RPH3A: variants seen among roughly 807,000 people sequenced by gnomAD.
The protein encoded by RPH3A is rabphilin 3A.
RPH3A carries 48 observed loss-of-function variants against 102.2 expected under a neutral mutation model. The ratio of observed to expected loss-of-function variants is 0.47; its 90% CI spans 0.37 to 0.60. RPH3A has a LOEUF of 0.60. Among genes scored for constraint, RPH3A ranks in the 20% least tolerant of loss-of-function variants. The probability of loss-of-function intolerance (pLI) is 0.00; values close to 1 mark genes in which losing one functional copy is unlikely to be tolerated. For synonymous variants in RPH3A, 310 were observed against 324.3 expected (o/e 0.96, Z 0.47); for missense variants, 781 against 910.1 (o/e 0.86, Z 1.83).
chr12:112,714,154 G>C (rs1395739421), intron 1 of RPH3A, among the ~76,000 whole-genome samples: 1 of 152,154 alleles, frequency 6.6e-6, no homozygotes, highest in Non-Finnish European at 1.5e-5. Context: ...GGGTTCAGAA[G>C]GCTGGAGAGG....
intron 1 of RPH3A, among the ~76,000 whole-genome samples, chr12:112,727,240 G>A (rs1592966289): frequency 6.7e-6 from 1 of 149,470 alleles, no homozygotes; most frequent in African/African-American, 2.5e-5. Flanking sequence ...TCAATCCCAC[G>A]TGCTGGGATT....
chr12:112,768,621 T>C (rs2040907273), intron 1 of RPH3A, among the ~76,000 whole-genome samples: 1 of 152,174 alleles, frequency 6.6e-6, no homozygotes. Flanking sequence ...TCACTATATT[T>C]AAAATAGAGG....
At chr12:112,724,003 T>C (rs1195592367) in intron 1 of RPH3A, among the ~76,000 whole-genome samples, 10 of 152,170 alleles carry the variant, frequency 6.6e-5, no homozygotes, top group Non-Finnish European at 1.5e-4. Flanking sequence ...AGTATCTATG[T>C]ATATTTTATG....
At chr12:112,577,683 G>A (rs1028477992) in intron 1 of RPH3A, among the ~76,000 whole-genome samples, 4 of 151,764 alleles carry the variant, frequency 2.6e-5, no homozygotes, top group Non-Finnish European at 5.9e-5. Flanking sequence ...TGGTTCAAAT[G>A]CCTCTGACAC....
chr12:112,817,684 GTAGT>G (rs2041701316), intron 2 of RPH3A, among the ~76,000 whole-genome samples: 1 of 151,930 alleles, frequency 6.6e-6, no homozygotes, highest in Non-Finnish European at 1.5e-5. Context: ...GTCTTATTAA[GTAGT>G]TAGTTTTGCT....
intron 1 of RPH3A, among the ~76,000 whole-genome samples, chr12:112,677,211 C>T (rs745843464): frequency 6.6e-6 from 1 of 152,234 alleles, no homozygotes; most frequent in Non-Finnish European, 1.5e-5. Context: ...CTTACAAGTG[C>T]GGCAAACAGG....
intron 1 of RPH3A, among the ~76,000 whole-genome samples, chr12:112,712,456 T>C (rs2040469018): frequency 6.6e-6 from 1 of 151,578 alleles, no homozygotes; most frequent in Non-Finnish European, 1.5e-5. Context: ...TATTTTTAAA[T>C]TGTTATTTTA....
intron 1 of RPH3A, among the ~76,000 whole-genome samples, chr12:112,595,532 G>C (rs2039510305): frequency 6.6e-6 from 1 of 152,000 alleles, no homozygotes; most frequent in Admixed American, 6.6e-5. Flanking sequence ...CTCATATCTG[G>C]ATAAGCCAAT....
intron 1 of RPH3A, among the ~76,000 whole-genome samples, chr12:112,733,339 CACAT>C (rs1246381904): frequency 1.3e-5 from 2 of 152,168 alleles, no homozygotes; most frequent in African/African-American, 4.8e-5. Flanking sequence ...GCATCACACA[CACAT>C]ACAGCATTAA....
intron 1 of RPH3A, among the ~76,000 whole-genome samples, chr12:112,679,913 G>T (rs1465849036): frequency 6.6e-6 from 1 of 152,264 alleles, no homozygotes; most frequent in Non-Finnish European, 1.5e-5. Context: ...AAGAGGGTTT[G>T]ACACAGACTG....
At chr12:112,607,171 CT>C (rs1240892438) in intron 1 of RPH3A, among the ~76,000 whole-genome samples, 1 of 152,180 alleles carries the variant, frequency 6.6e-6, no homozygotes, top group African/African-American at 2.4e-5. Flanking sequence ...AGGGAAGTTG[CT>C]TGGCCTCTTG....
At chr12:112,668,390 C>G (rs2040102416) in intron 1 of RPH3A, among the ~76,000 whole-genome samples, 1 of 152,148 alleles carries the variant, frequency 6.6e-6, no homozygotes, top group Non-Finnish European at 1.5e-5. Flanking sequence ...AACTGAGTTT[C>G]CCTCTGGTTC....
intron 1 of RPH3A, among the ~76,000 whole-genome samples, chr12:112,696,898 TG>T (rs2040356813): frequency 1.3e-5 from 2 of 152,012 alleles, no homozygotes; most frequent in Non-Finnish European, 2.9e-5. Context: ...GCTTTGGTCT[TG>T]TTTTCTTTTT....
intron 1 of RPH3A, among the ~76,000 whole-genome samples, chr12:112,730,877 G>GAA (rs1440486687): frequency 6.6e-6 from 1 of 152,136 alleles, no homozygotes; most frequent in Non-Finnish European, 1.5e-5. Context: ...GCCAGCCCTG[G>GAA]CCATTGTTCC....
At chr12:112,601,199 T>C (rs745705860) in intron 1 of RPH3A, among the ~76,000 whole-genome samples, 8 of 152,194 alleles carry the variant, frequency 5.3e-5, no homozygotes, top group Non-Finnish European at 1.2e-4. Context: ...AATGCAAAAC[T>C]CCTAGCCTGA....
chr12:112,841,706 G>GT (rs150878418), intron 4 of RPH3A, among the ~76,000 whole-genome samples: 52,088 of 144,788 alleles, frequency 0.36, 10,042 homozygotes, highest in East Asian at 0.51. Context: ...TTGTTTTTTT[G>GT]GTTTTTTTTT....
At chr12:112,793,546 AAG>A (rs1282199668) in intron 2 of RPH3A, among the ~76,000 whole-genome samples, 2 of 152,238 alleles carry the variant, frequency 1.3e-5, no homozygotes, top group Non-Finnish European at 2.9e-5. Context: ...TATGAGGCAG[AAG>A]AGGAGGGTTG....
intron 11 of RPH3A, 57 bp from the exon 12 acceptor site, chr12:112,875,622 C>G: frequency 6.9e-7 from 1 of 1,452,966 alleles, no homozygotes; most frequent in Non-Finnish European, 9.7e-7. Context: ...AAAGGTGAAC[C>G]CCCAAATGAT....
chr12:112,589,857 C>T (rs111443084), intron 1 of RPH3A, among the ~76,000 whole-genome samples: 2,793 of 152,106 alleles, frequency 0.018, 81 homozygotes, highest in African/African-American at 0.064. Context: ...CTGAGGTGGG[C>T]GGATCACTTG....
Sources: allele counts gnomAD v4.1 joint callset (sites outside exome capture counted in the v4.1 genomes callset), GRCh38; gene constraint gnomAD v4.1.1; transcripts MANE v1.5; gene names NCBI Gene and HGNC (gene_info 2026-07-23, HGNC 2026-07-21).